Variants in RILPL2 observed in about 807,000 individuals in gnomAD.
The protein encoded by RILPL2 is RILP-like protein 2.
A neutral mutation model predicts 22.2 loss-of-function variants in RILPL2; 19 were observed. The observed-to-expected ratio is 0.86, with a 90% CI of 0.60 to 1.25. RILPL2 has a LOEUF of 1.25. RILPL2 is among the 50% of genes most tolerant of loss of function. The probability of loss-of-function intolerance (pLI) is 0.00; values close to 1 mark genes in which losing one functional copy is unlikely to be tolerated. For missense variants in RILPL2, 243 were observed against 263.6 expected, an observed-to-expected ratio of 0.92 and a Z score of 0.54; for synonymous variants, 123 against 111.6, an observed-to-expected ratio of 1.10 and a Z score of -0.64.
intron 3 of RILPL2, among the ~76,000 whole-genome samples, chr12:123,420,005 T>C (rs1879232757): frequency 7.1e-6 from 1 of 140,720 alleles, no homozygotes; most frequent in African/African-American, 2.6e-5. Flanking sequence ...TTTGTATTTT[T>C]AGTAGAGACG....
intron 2 of RILPL2, among the ~76,000 whole-genome samples, chr12:123,430,012 T>A (rs1879571288): frequency 7.4e-6 from 1 of 135,058 alleles, no homozygotes; most frequent in Admixed American, 8.7e-5. Context: ...GCTACTTGGG[T>A]GGCTAAGGTG....
intron 3 of RILPL2, among the ~76,000 whole-genome samples, chr12:123,422,803 T>C (rs1879321743): frequency 6.6e-6 from 1 of 152,180 alleles, no homozygotes; most frequent in Non-Finnish European, 1.5e-5. Flanking sequence ...TGTAAAATAG[T>C]ATCTACCTTG....
In RILPL2 at chr12:123,436,139, G is replaced by T. The variant is rs1165108312; in HGVS notation, c.282C>A (p.Asp94Glu). The change falls in exon 1 of 4, where the codon GAC (aspartate) becomes GAA (glutamate). Residue 94 changes from aspartate (D) to glutamate (E), a missense_variant. By Grantham distance (45) the Asp-to-Glu change is conservative (BLOSUM62 2). Transcript: ENST00000280571. This position sits in a 1 kb window ranked among gnomAD's most constrained non-coding sequence, Gnocchi z 6.7. Reference sequence around the variant, plus strand: ...GCCCCTCCACCTCCTTCCTGAGGTGGTCCCTCTCCATCTTCAGCTCCTCCA... The same window carrying T: ...GCCCCTCCACCTCCTTCCTGAGGTGTTCCCTCTCCATCTTCAGCTCCTCCA... ...LALEELKMER[D>E]HLRKEVEGLR... is the part of the protein sequence containing the mutation. 1 of 1,599,760 alleles carries T rather than the reference G, an allele frequency of 6.3e-7. No individual in the cohort carries two copies. Among genetic ancestry groups the T allele is most frequent in the South Asian group, 1.1e-5 (1 of 88,732 alleles).
intron 3 of RILPL2, among the ~76,000 whole-genome samples, chr12:123,419,676 G>C (rs1229289593): frequency 1.3e-5 from 2 of 150,324 alleles, no homozygotes; most frequent in African/African-American, 4.9e-5. Flanking sequence ...TGTGATCTCA[G>C]CTCACTGCAA....
intron 3 of RILPL2, among the ~76,000 whole-genome samples, chr12:123,416,404 C>T (rs1026362812): frequency 2.2e-4 from 34 of 152,160 alleles, no homozygotes; most frequent in African/African-American, 7.5e-4. Context: ...CTTTGGGAGA[C>T]GGAGGCAGGC....
chr12:123,415,979 G>A, intron 3 of RILPL2, 58 bp from the exon 4 acceptor site: 6 of 1,564,812 alleles, frequency 3.8e-6, no homozygotes, highest in Non-Finnish European at 5.3e-6. Context: ...AAGGGGCACA[G>A]CAACCCCCGT....
chr12:123,432,285 C>T (rs534475614), intron 1 of RILPL2, among the ~76,000 whole-genome samples: 2 of 152,272 alleles, frequency 1.3e-5, no homozygotes, highest in East Asian at 1.9e-4. Flanking sequence ...GCGGGTGGAT[C>T]GTTTGAGCCC....
downstream of RILPL2, chr12:123,413,300 C>T (rs1342011849): frequency 1.8e-5 from 3 of 170,018 alleles, no homozygotes; most frequent in Non-Finnish European, 3.7e-5. Flanking sequence ...AATGAAGCCG[C>T]GGACCCTCGC....
intron 3 of RILPL2, among the ~76,000 whole-genome samples, chr12:123,419,651 G>A (rs1428560081): frequency 6.7e-6 from 1 of 150,060 alleles, no homozygotes; most frequent in Non-Finnish European, 1.5e-5. Context: ...TATTGCCCAG[G>A]CTGGAGTGCA....
chr12:123,422,471 G>A (rs1879314442), intron 3 of RILPL2, among the ~76,000 whole-genome samples: 1 of 152,202 alleles, frequency 6.6e-6, no homozygotes, highest in African/African-American at 2.4e-5. Flanking sequence ...ATCCGAGATT[G>A]CACCACTGCA....
intron 3 of RILPL2, among the ~76,000 whole-genome samples, chr12:123,417,746 C>G (rs1879158522): frequency 6.6e-6 from 1 of 152,134 alleles, no homozygotes; most frequent in Admixed American, 6.6e-5. Flanking sequence ...CCACCACGCC[C>G]AGCTAATTTT....
At chr12:123,411,965 A>G (rs1231568533), downstream of RILPL2, 1 of 152,144 alleles carries the variant, frequency 6.6e-6, no homozygotes, top group African/African-American at 2.4e-5. Context: ...AATCACCCCA[A>G]GGACTTATTT....
At chr12:123,431,870 A>G (rs940201214) in intron 1 of RILPL2, among the ~76,000 whole-genome samples, 6 of 150,690 alleles carry the variant, frequency 4.0e-5, no homozygotes, top group African/African-American at 7.3e-5. Flanking sequence ...ATGTTACTGT[A>G]TTTTACTACA....
At chr12:123,430,176 A>G (rs576038509) in intron 2 of RILPL2, among the ~76,000 whole-genome samples, 61 of 145,274 alleles carry the variant, frequency 4.2e-4, no homozygotes, top group East Asian at 1.5e-3. Flanking sequence ...TTGGGAGGCC[A>G]AGGTGGGCAG....
At chr12:123,427,613 C>T (rs569298816) in intron 2 of RILPL2, among the ~76,000 whole-genome samples, 1 of 151,956 alleles carries the variant, frequency 6.6e-6, no homozygotes, top group East Asian at 1.9e-4. Flanking sequence ...CACATCTCAG[C>T]TCACTGCAAC....
chr12:123,436,588 T>C lies in RILPL2; in HGVS notation c.-168A>G. The C allele has an allele frequency of 8.9e-7, 1 of 1,125,602 alleles. No homozygotes were observed. The highest frequency in any genetic ancestry group is 2.9e-4 in the Middle Eastern group (1 of 3,436). 69.7% of individuals were successfully genotyped at this position (1,125,602 alleles called of 1,614,324 possible). On this transcript the variant is annotated 5_prime_UTR_variant, in exon 1 of 4. Coordinates refer to ENST00000280571, the MANE Select transcript of RILPL2 (RefSeq NM_145058.3). The surrounding 1 kb of genome is among the most constrained non-coding windows in gnomAD (Gnocchi z 6.7). ...TGGTGCAAGGGGCCGCGCACGCGACTCTTGGGCCTGCGCCCCGGCGCACCG... is the reference window on the plus strand; with the variant it reads ...TGGTGCAAGGGGCCGCGCACGCGACCCTTGGGCCTGCGCCCCGGCGCACCG...
At chr12:123,413,646 G>C (rs577834210), downstream of RILPL2, 3 of 152,386 alleles carry the variant, frequency 2.0e-5, no homozygotes, top group Non-Finnish European at 2.9e-5. Flanking sequence ...AATGCGGAAA[G>C]GAACCCGAGC....
chr12:123,421,224 A>C (rs948091039), intron 3 of RILPL2, among the ~76,000 whole-genome samples: 2 of 151,686 alleles, frequency 1.3e-5, no homozygotes, highest in African/African-American at 2.4e-5. Context: ...TGTATTTTTT[A>C]ATAGAGTCAG....
Position 123,436,138 on chromosome 12 carries a change from G to T in RILPL2, c.283C>A (p.His95Asn). 1 of 1,599,242 alleles carries T rather than the reference G, an allele frequency of 6.3e-7. No homozygotes were observed. The highest frequency in any genetic ancestry group is 1.1e-5 in the South Asian group (1 of 88,680). Reference protein sequence around the residue: ...ALEELKMERDHLRKEVEGLRR... With the variant: ...ALEELKMERDNLRKEVEGLRR... ...AGCCCCTCCACCTCCTTCCTGAGGT[G>T]GTCCCTCTCCATCTTCAGCTCCTCC... Residue 95 changes from histidine (H) to asparagine (N), a missense_variant, in exon 1 of 4, where the codon CAC (histidine) becomes AAC (asparagine). By Grantham distance (68) the His-to-Asn change is moderately conservative. Transcript: ENST00000280571. This position sits in a 1 kb window ranked among gnomAD's most constrained non-coding sequence, Gnocchi z 6.7.
Sources: gnomAD v4.1 joint callset for allele counts (sites outside exome capture counted in the v4.1 genomes callset) on GRCh38, gnomAD v4.1.1 for gene constraint, Gnocchi (gnomAD v3.1) non-coding constraint, MANE v1.5 for transcripts, NCBI Gene and HGNC (gene_info 2026-07-23, HGNC 2026-07-21) for gene names.